The following EPSTI1 variants were observed in gnomAD, a reference collection of about 807,000 sequenced individuals.
EPSTI1 encodes the protein epithelial stromal interaction 1, also known as epithelial-stromal interaction protein 1.
EPSTI1 carries 66 observed loss-of-function variants against 49.9 expected under a neutral mutation model. The observed-to-expected ratio is 1.32, with a 90% CI of 1.08 to 1.62. The LOEUF (loss-of-function observed/expected upper bound fraction) is 1.62. Ranked by LOEUF, EPSTI1 falls within the 40% of genes most tolerant of loss-of-function variation. The pLI, the probability that EPSTI1 is intolerant of heterozygous loss-of-function variation, is 0.00. For synonymous variants in EPSTI1, 137 were observed against 130.7 expected, an observed-to-expected ratio of 1.05 and a Z score of -0.33; for missense variants, 394 against 365.5, an observed-to-expected ratio of 1.08 and a Z score of -0.64.
chr13:42,922,447 C>T lies in EPSTI1; in HGVS notation c.657+3889G>A, dbSNP rs532341587. Among the ~76,000 whole-genome samples the T allele has an allele frequency of 2.1e-4, 32 of 152,282 alleles. No homozygotes were observed. Among genetic ancestry groups the T allele is most frequent in the South Asian group, 1.9e-3 (9 of 4,818 alleles). ...AAGGTTGGGTGAGATGGAAGCTAAA[C>T]TGGAGCCATGCAGCCGTGTGCCAAG... On this transcript the variant is annotated intron_variant, in intron 7 of 10. Transcript: ENST00000313624. This position sits in a 1 kb window ranked among gnomAD's most constrained non-coding sequence, Gnocchi z 4.8.
intron 6 of EPSTI1, among the ~76,000 whole-genome samples, chr13:42,939,295 A>G (rs1354795861): frequency 6.6e-6 from 1 of 152,112 alleles, no homozygotes; most frequent in African/African-American, 2.4e-5. Context: ...AGCATTTTTA[A>G]TTTCCTTTGA....
chr13:42,931,466 A>G (rs1475503401), intron 6 of EPSTI1, among the ~76,000 whole-genome samples: 1 of 151,924 alleles, frequency 6.6e-6, no homozygotes, highest in Non-Finnish European at 1.5e-5. Context: ...CGGCTTCCCA[A>G]AGTGCTGGGA....
chr13:42,937,161 G>A (rs988727785), intron 6 of EPSTI1, among the ~76,000 whole-genome samples: 1 of 152,102 alleles, frequency 6.6e-6, no homozygotes, highest in Non-Finnish European at 1.5e-5. Flanking sequence ...AGTCTCTTAG[G>A]TGTGCAATAG....
chr13:42,911,757 A>G lies in EPSTI1; in HGVS notation c.741+5784T>C, dbSNP rs138624122. Among the ~76,000 whole-genome samples the G allele has an allele frequency of 7.4e-4, 112 of 152,342 alleles. 1 individual carries two copies. The highest frequency in any genetic ancestry group is 7.3e-3 in the Admixed American group (112 of 15,298). On this transcript the variant is annotated intron_variant, in intron 8 of 10. Coordinates refer to ENST00000313624, the MANE Select transcript of EPSTI1 (RefSeq NM_033255.5). The stretch of plus-strand genomic sequence containing the variant: ...CATTTGTTGACCTTATCAAAGAACA[A>G]GCTGTTAGATTTTTATAACAGCTGT...
rs67950561 is a variant in EPSTI1, at chr13:42,962,619, CAA to C, written c.489+634_489+635del. On this transcript the variant is annotated intron_variant, in intron 5 of 10. Transcript: ENST00000313624. ...ACCCTCCCTGTCTCTACAAAAAATACAAAAAAAAAAAAAAAATAGCTATAGTG... is the reference window on the plus strand; with the variant it reads ...ACCCTCCCTGTCTCTACAAAAAATACAAAAAAAAAAAAAATAGCTATAGTG... Among the ~76,000 whole-genome samples the C allele has an allele frequency of 3.8e-3, 499 of 132,874 alleles. 1 individual carries two copies. The highest frequency in any genetic ancestry group is 0.015 in the East Asian group (71 of 4,618). 87.2% of individuals were successfully genotyped at this position (132,874 alleles called of 152,430 possible).
chr13:42,970,498 T>C (rs1485731399), intron 2 of EPSTI1, 114 bp downstream of exon 2: 2 of 857,220 alleles, frequency 2.3e-6, no homozygotes, highest in Non-Finnish European at 3.4e-6. Flanking sequence ...CAAAAAACCT[T>C]GATGAGATTT....
rs941827878 is a variant in EPSTI1, at chr13:42,991,916, TGTGA to T, written c.188+58_188+61del. On this transcript the variant is annotated intron_variant, in intron 1 of 10. Transcript: ENST00000313624. ...TTTAAACTCCAAGGACCAAGGTGCT[TGTGA>T]GTGAGTATGTTTGGGGCCCGGGCTC... The T allele has an allele frequency of 5.0e-5, 80 of 1,588,070 alleles. No homozygotes were observed. The South Asian group carries it at 5.1e-4, about 10-fold the overall frequency.
chr13:42,913,052 A>T (rs1237523488), intron 8 of EPSTI1, among the ~76,000 whole-genome samples: 2 of 152,116 alleles, frequency 1.3e-5, no homozygotes, highest in Non-Finnish European at 2.9e-5. Context: ...ATTAGAAACA[A>T]AAATAGAAAC....
At chr13:42,966,865 A>G (rs2039635818) in intron 3 of EPSTI1, among the ~76,000 whole-genome samples, 1 of 68,736 alleles carries the variant, frequency 1.5e-5, no homozygotes, top group African/African-American at 4.4e-5. Context: ...AAGATTGAGA[A>G]ATCGGATGGT....
chr13:42,960,746 A>AAAATGT (rs1217306482), intron 5 of EPSTI1, among the ~76,000 whole-genome samples: 2 of 152,190 alleles, frequency 1.3e-5, no homozygotes, highest in African/African-American at 4.8e-5. Flanking sequence ...CAGCTTCTAG[A>AAAATGT]GGCTACCCAC....
In EPSTI1 at chr13:42,973,388, G is replaced by A. The variant is rs1442220582; in HGVS notation, c.189-2718C>T. ...CCAGGCAGTGGTCCCAGTAATAAAC[G>A]TTTTATGTAAATTTTATGTGAATTG... On this transcript the variant is annotated intron_variant, in intron 1 of 10. Transcript: ENST00000313624. 3.3e-5 allele frequency among the ~76,000 whole-genome samples: 5 copies of A among 152,250 alleles called. No homozygotes were observed. In the East Asian group the frequency reaches 7.7e-4, roughly 23 times the overall value.
chr13:42,969,396 G>A (rs908556587), intron 2 of EPSTI1: 6 of 493,192 alleles, frequency 1.2e-5, no homozygotes, highest in Admixed American at 1.2e-4. Context: ...CAGCACAGAG[G>A]GTTCGAATTT....
At chr13:42,911,507 A>G (rs1270618906) in intron 8 of EPSTI1, among the ~76,000 whole-genome samples, 2 of 152,146 alleles carry the variant, frequency 1.3e-5, no homozygotes, top group Non-Finnish European at 2.9e-5. Context: ...AATCACTTGC[A>G]TTTTCATTGG....
chr13:42,888,415 C>T lies in EPSTI1; in HGVS notation c.*79G>A. The T allele has an allele frequency of 1.2e-6, 2 of 1,614,042 alleles. No homozygotes were observed. The highest frequency in any genetic ancestry group is 8.5e-7 in the Non-Finnish European group (1 of 1,179,988). ...TTAAGGTAAAAACAGTGAGGCTGAACAAAATCACATTAAGAAAAAGCATCT... is the reference window on the plus strand; with the variant it reads ...TTAAGGTAAAAACAGTGAGGCTGAATAAAATCACATTAAGAAAAAGCATCT... On this transcript the variant is annotated 3_prime_UTR_variant, in exon 11 of 11. Coordinates refer to ENST00000313624, the MANE Select transcript of EPSTI1 (RefSeq NM_033255.5).
chr13:42,925,490 C>T (rs901572563), intron 7 of EPSTI1, among the ~76,000 whole-genome samples: 1 of 152,080 alleles, frequency 6.6e-6, no homozygotes, highest in South Asian at 2.1e-4. Context: ...GCGCTACTGG[C>T]CCTTCATGCC....
At position 42,888,952 on chromosome 13, in the gene EPSTI1, C is replaced by A. The variant is rs552750696; in HGVS notation, c.916-450G>T. Among the ~76,000 whole-genome samples, 39 of 152,302 alleles carry A rather than the reference C, an allele frequency of 2.6e-4. 1 individual carries two copies. The South Asian group carries it at 7.3e-3, about 28-fold the overall frequency. ...GTAGGGAGATAGATTGGTGAGTCTCCACTCCTACCATGTGCAAAGGGTCAA... is the reference window on the plus strand; with the variant it reads ...GTAGGGAGATAGATTGGTGAGTCTCAACTCCTACCATGTGCAAAGGGTCAA... On this transcript the variant is annotated intron_variant, in intron 10 of 10. Transcript: ENST00000313624.
At chr13:42,891,378 A>G (rs1184498963) in intron 10 of EPSTI1, among the ~76,000 whole-genome samples, 1 of 152,228 alleles carries the variant, frequency 6.6e-6, no homozygotes, top group Non-Finnish European at 1.5e-5. Flanking sequence ...GGAAGACAGT[A>G]AGACATAGAT....
intron 6 of EPSTI1, among the ~76,000 whole-genome samples, chr13:42,946,484 G>A (rs1331028146): frequency 6.6e-6 from 1 of 152,170 alleles, no homozygotes. Context: ...GGTCACAAAA[G>A]CCCACCTACC....
At chr13:42,923,820 A>G (rs908690708) in intron 7 of EPSTI1, among the ~76,000 whole-genome samples, 16 of 152,218 alleles carry the variant, frequency 1.1e-4, no homozygotes, top group Admixed American at 9.8e-4. Flanking sequence ...TTACATTGAC[A>G]TAATTTTCTA....
Sources: gnomAD v4.1 joint callset for allele counts (sites outside exome capture counted in the v4.1 genomes callset) on GRCh38, gnomAD v4.1.1 for gene constraint, Gnocchi (gnomAD v3.1) non-coding constraint, MANE v1.5 for transcripts, NCBI Gene and HGNC (gene_info 2026-07-23, HGNC 2026-07-21) for gene names.